Variants in ULK4 observed in about 807,000 individuals in gnomAD.
ULK4 encodes unc-51 like kinase 4.
A neutral mutation model predicts 160.6 loss-of-function variants in ULK4; 133 were observed. That is an observed-to-expected ratio of 0.83 (90% CI 0.72 to 0.96). The LOEUF is 0.96. Ranked by LOEUF, ULK4 falls within the 40% of genes least tolerant of loss-of-function variation. The pLI is 0.00. For synonymous variants in ULK4, 534 were observed against 539.8 expected, an observed-to-expected ratio of 0.99 and a Z score of 0.15; for missense variants, 1,580 against 1,499.5, an observed-to-expected ratio of 1.05 and a Z score of -0.89.
intron 17 of ULK4, among the ~76,000 whole-genome samples, chr3:41,852,279 A>T (rs9883369): frequency 0.32 from 48,208 of 152,002 alleles, 11,302 homozygotes; most frequent in African/African-American, 0.67. Flanking sequence ...CAGGACCAGA[A>T]GGATTCACAG....
chr3:41,752,622 C>A (rs1408353174), intron 22 of ULK4, among the ~76,000 whole-genome samples: 2 of 152,138 alleles, frequency 1.3e-5, no homozygotes, highest in African/African-American at 2.4e-5. Context: ...CAAATGCCTT[C>A]CCAGTGACAA....
intron 17 of ULK4, among the ~76,000 whole-genome samples, chr3:41,836,925 G>A (rs1247265913): frequency 6.6e-6 from 1 of 152,126 alleles, no homozygotes; most frequent in Non-Finnish European, 1.5e-5. Context: ...ATGACATACA[G>A]AATGGCTCCA....
At chr3:41,522,129 C>T (rs1296207518) in intron 32 of ULK4, among the ~76,000 whole-genome samples, 42 of 135,872 alleles carry the variant, frequency 3.1e-4, no homozygotes, top group East Asian at 1.0e-3. Flanking sequence ...TCTTTTTTTT[C>T]TTTTTTTTTT....
At chr3:41,390,895 G>C (rs1189674343) in intron 35 of ULK4, among the ~76,000 whole-genome samples, 2 of 151,986 alleles carry the variant, frequency 1.3e-5, no homozygotes, top group Non-Finnish European at 2.9e-5. Flanking sequence ...GCTTGGTGCA[G>C]AGCTGAGTTC....
chr3:41,908,183 A>T (rs989029784), intron 11 of ULK4, among the ~76,000 whole-genome samples: 4 of 152,300 alleles, frequency 2.6e-5, no homozygotes, highest in African/African-American at 9.6e-5. Flanking sequence ...GAAACCTTCA[A>T]GCATTAATTT....
At chr3:41,942,409 C>T (rs527969386) in intron 2 of ULK4, among the ~76,000 whole-genome samples, 1 of 152,192 alleles carries the variant, frequency 6.6e-6, no homozygotes, top group South Asian at 2.1e-4. Context: ...ATTCCAGGAA[C>T]TCAGGGGTCT....
At chr3:41,574,477 C>G (rs2088112009) in intron 31 of ULK4, among the ~76,000 whole-genome samples, 2 of 150,482 alleles carry the variant, frequency 1.3e-5, no homozygotes, top group Admixed American at 6.6e-5. Flanking sequence ...ACCACAGTCT[C>G]CTAATGGGTG....
chr3:41,512,702 A>C (rs2085620558), intron 32 of ULK4, among the ~76,000 whole-genome samples: 1 of 152,194 alleles, frequency 6.6e-6, no homozygotes, highest in Admixed American at 6.5e-5. Flanking sequence ...ATACTGCCAA[A>C]AGCAATCTAT....
chr3:41,650,815 ATT>A (rs2034710338), intron 30 of ULK4, among the ~76,000 whole-genome samples: 1 of 152,222 alleles, frequency 6.6e-6, no homozygotes, highest in East Asian at 1.9e-4. Context: ...TTCCAACAAT[ATT>A]TTATTTATAA....
chr3:41,668,372 T>C (rs912503025), intron 29 of ULK4, among the ~76,000 whole-genome samples: 7 of 152,236 alleles, frequency 4.6e-5, no homozygotes, highest in African/African-American at 7.2e-5. Flanking sequence ...CAACAACAGA[T>C]GGCATATACA....
intron 17 of ULK4, among the ~76,000 whole-genome samples, chr3:41,850,320 T>A (rs1199823836): frequency 6.6e-6 from 1 of 152,242 alleles, no homozygotes; most frequent in Non-Finnish European, 1.5e-5. Context: ...CCTTTGGGTA[T>A]ATACCCAGTA....
At chr3:41,606,398 A>T (rs2032386122) in intron 31 of ULK4, among the ~76,000 whole-genome samples, 1 of 152,028 alleles carries the variant, frequency 6.6e-6, no homozygotes, top group African/African-American at 2.4e-5. Context: ...TTGACTGCAT[A>T]TCTTGGTTAT....
At chr3:41,948,367 C>T (rs113803925) in intron 2 of ULK4, among the ~76,000 whole-genome samples, 19,000 of 152,052 alleles carry the variant, frequency 0.12, 1,374 homozygotes, top group Middle Eastern at 0.27. Flanking sequence ...AGGAGAATCG[C>T]TTGAACAGGG....
rs181390736 is a variant in ULK4, at chr3:41,655,458, C to T, written c.3071+8149G>A. Among the ~76,000 whole-genome samples, 162 of 151,998 alleles carry T rather than the reference C, an allele frequency of 1.1e-3. 1 individual carries two copies. The highest frequency in any genetic ancestry group is 3.8e-3 in the African/African-American group (156 of 41,470). On this transcript the variant is annotated intron_variant, in intron 30 of 36. Transcript: ENST00000301831. ...CGAGTTAATGGGTGCAGCACACCAA[C>T]ATGGCACATGTATACATATGTAACA...
At chr3:41,901,479 C>CTGTTTTTTTTTTTTGTTTTTT in intron 12 of ULK4, among the ~76,000 whole-genome samples, 1 of 22,546 alleles carries the variant, frequency 4.4e-5, no homozygotes, top group Admixed American at 1.0e-3. Context: ...CACGCCCAGC[C>CTGTTTTTTTTTTTTGTTTTTT]TTTTTTTTTT....
intron 35 of ULK4, among the ~76,000 whole-genome samples, chr3:41,294,309 G>T (rs1420441576): frequency 6.6e-6 from 1 of 152,200 alleles, no homozygotes; most frequent in African/African-American, 2.4e-5. Context: ...TGGAAGCAGG[G>T]ACTGGACCCT....
At chr3:41,415,298 C>T (rs1470268927) in intron 34 of ULK4, among the ~76,000 whole-genome samples, 2 of 152,138 alleles carry the variant, frequency 1.3e-5, no homozygotes, top group Non-Finnish European at 2.9e-5. Flanking sequence ...GCTCTCCCTA[C>T]TTTAGACATT....
intron 31 of ULK4, among the ~76,000 whole-genome samples, chr3:41,599,634 G>A (rs905393445): frequency 5.6e-5 from 8 of 143,896 alleles, no homozygotes; most frequent in African/African-American, 1.3e-4. Flanking sequence ...GCGCGATCTC[G>A]GCTCACTGCA....
intron 35 of ULK4, among the ~76,000 whole-genome samples, chr3:41,342,409 T>C (rs2080705843): frequency 6.6e-6 from 1 of 152,174 alleles, no homozygotes. Flanking sequence ...AAAAGCTGAT[T>C]TAGAGGCCTT....
Sources: gnomAD v4.1 joint callset for allele counts (sites outside exome capture counted in the v4.1 genomes callset) on GRCh38, gnomAD v4.1.1 for gene constraint, MANE v1.5 for transcripts, NCBI Gene and HGNC (gene_info 2026-07-23, HGNC 2026-07-21) for gene names.